NUP160: variants seen among roughly 807,000 people sequenced by gnomAD.
NUP160 encodes nucleoporin 160.
In NUP160, 94 loss-of-function variants were observed where a neutral mutation model predicts 196.9. That is an observed-to-expected ratio of 0.48 (90% CI 0.40 to 0.57). The LOEUF (loss-of-function observed/expected upper bound fraction) is 0.57. NUP160 is among the 20% of genes least tolerant of loss of function. The pLI, the probability that NUP160 is intolerant of heterozygous loss-of-function variation, is 0.00. For synonymous variants in NUP160, 605 were observed against 619.7 expected (o/e 0.98, Z 0.35); for missense variants, 1,638 against 1,748.3 (o/e 0.94, Z 1.13).
At chr11:47,825,340 T>A (rs1565204027) in intron 7 of NUP160, among the ~76,000 whole-genome samples, 1 of 151,826 alleles carries the variant, frequency 6.6e-6, no homozygotes, top group Non-Finnish European at 1.5e-5. Flanking sequence ...TGAAGTGCAG[T>A]GGTGTGATCT....
At chr11:47,827,056 C>T in intron 7 of NUP160, 1 of 455,902 alleles carries the variant, frequency 2.2e-6, no homozygotes, top group Non-Finnish European at 4.4e-6. Flanking sequence ...CTCCTCAACA[C>T]AATATAAAGG....
chr11:47,803,500 T>C, exon 22 of NUP160: 1 of 1,612,014 alleles, frequency 6.2e-7, no homozygotes, highest in East Asian at 2.2e-5. Context: ...GAACCAACAT[T>C]GACTTGACAC....
chr11:47,818,211 T>C (rs897291921), intron 10 of NUP160, 87 bp from the exon 11 acceptor site: 67 of 817,028 alleles, frequency 8.2e-5, no homozygotes, highest in Non-Finnish European at 1.3e-4. Flanking sequence ...GTTTCTACTA[T>C]ATGAACATTG....
At position 47,806,134 on chromosome 11, in the gene NUP160, C is replaced by T; in HGVS notation, c.2606+19G>A. The T allele has an allele frequency of 1.2e-6, 2 of 1,612,200 alleles. No homozygotes were observed. The highest frequency in any genetic ancestry group is 2.2e-5 in the East Asian group (1 of 44,846). On this transcript the variant is annotated intron_variant, in intron 20 of 35. Coordinates refer to ENST00000378460, the Ensembl canonical transcript of NUP160. ...CGGCCAGAAGAGAGCTTTTCACTGG[C>T]TTCTAAATAAAAGGATACAAAAGCT...
chr11:47,828,044 T>G (rs1852005644), intron 7 of NUP160, among the ~76,000 whole-genome samples: 1 of 152,162 alleles, frequency 6.6e-6, no homozygotes, highest in South Asian at 2.1e-4. Flanking sequence ...TAATTTTTGC[T>G]ATTTTGTAGA....
intron 29 of NUP160, among the ~76,000 whole-genome samples, chr11:47,790,484 C>T (rs900226796): frequency 6.6e-6 from 1 of 152,140 alleles, no homozygotes; most frequent in African/African-American, 2.4e-5. Flanking sequence ...TGGTCTTGAA[C>T]TCCTGACCTG....
At chr11:47,811,963 C>G in intron 17 of NUP160, 101 bp downstream of exon 17, 1 of 1,037,744 alleles carries the variant, frequency 9.6e-7, no homozygotes. Context: ...TGAACCAAGA[C>G]AAAAGTATCT....
chr11:47,782,969 T>C, intron 34 of NUP160, 104 bp downstream of exon 34: 2 of 1,022,284 alleles, frequency 2.0e-6, no homozygotes, highest in Non-Finnish European at 2.9e-6. Flanking sequence ...ATCAGTATTT[T>C]AAAGTATGGT....
At chr11:47,792,134 A>G in intron 28 of NUP160, 144 bp from the exon 29 acceptor site, 2 of 587,510 alleles carry the variant, frequency 3.4e-6, no homozygotes, top group South Asian at 4.9e-5. Context: ...TTACAGAGGT[A>G]CTGTAACTAT....
intron 29 of NUP160, among the ~76,000 whole-genome samples, chr11:47,789,020 G>A (rs1294004189): frequency 6.6e-6 from 1 of 152,018 alleles, no homozygotes; most frequent in Non-Finnish European, 1.5e-5. Flanking sequence ...GGGATTACAG[G>A]CGTGCACCAC....
chr11:47,819,538 G>C (rs1851814962), intron 9 of NUP160, 80 bp from the exon 10 acceptor site: 1 of 892,658 alleles, frequency 1.1e-6, no homozygotes, highest in Admixed American at 2.0e-5. Context: ...TATCTGGGCA[G>C]GGAGGACCCC....
intron 7 of NUP160, among the ~76,000 whole-genome samples, chr11:47,835,249 T>C (rs1852150659): frequency 6.6e-6 from 1 of 152,176 alleles, no homozygotes; most frequent in Non-Finnish European, 1.5e-5. Flanking sequence ...TGGCTGTTTA[T>C]TAAATGATTA....
chr11:47,806,444 T>C, intron 19 of NUP160, 132 bp from the exon 20 acceptor site: 1 of 646,850 alleles, frequency 1.5e-6, no homozygotes, highest in Non-Finnish European at 2.6e-6. Context: ...ATCACGGGTA[T>C]ATATCCAGTG....
At chr11:47,789,551 C>T (rs1599307237) in intron 29 of NUP160, among the ~76,000 whole-genome samples, 1 of 152,222 alleles carries the variant, frequency 6.6e-6, no homozygotes, top group East Asian at 1.9e-4. Context: ...TAAGCATTTT[C>T]ATTTCTCTTA....
chr11:47,833,027 T>C (rs1395340048), intron 7 of NUP160, among the ~76,000 whole-genome samples: 9 of 152,172 alleles, frequency 5.9e-5, no homozygotes, highest in African/African-American at 2.2e-4. Flanking sequence ...AGGTATGGGG[T>C]TTCTTTTTGA....
rs972592406 is a variant in NUP160 at position 47,824,023 on chromosome 11, A to G, written c.1102-1859T>C. Among the ~76,000 whole-genome samples, 106 of 110,678 alleles carry G rather than the reference A, an allele frequency of 9.6e-4. 1 individual carries two copies. Among genetic ancestry groups the G allele is most frequent in the Non-Finnish European group, 1.4e-3 (76 of 52,828 alleles). 72.6% of individuals were successfully genotyped at this position (110,678 alleles called of 152,430 possible). On this transcript the variant is annotated intron_variant, in intron 7 of 35. Coordinates refer to ENST00000378460, the Ensembl canonical transcript of NUP160. The stretch of plus-strand genomic sequence containing the variant: ...AATTCTTTTGCATATATATATATAT[A>G]TATATATATATATATATATATATAT...
intron 23 of NUP160, 113 bp downstream of exon 23, chr11:47,801,698 G>A: frequency 9.8e-7 from 1 of 1,021,018 alleles, no homozygotes; most frequent in Non-Finnish European, 1.4e-6. Context: ...AAATTTGGAA[G>A]TTCAGGGAGC....
chr11:47,847,601 A>T (rs140350615), intron 2 of NUP160, among the ~76,000 whole-genome samples: 2 of 116,864 alleles, frequency 1.7e-5, no homozygotes, highest in African/African-American at 3.4e-5. Context: ...CCCCTAAGCT[A>T]CATTTCCTCT....
chr11:47,808,345 A>G, intron 18 of NUP160, 51 bp downstream of exon 18: 1 of 1,541,370 alleles, frequency 6.5e-7, no homozygotes, highest in Non-Finnish European at 8.9e-7. Flanking sequence ...AAGGGGAAAA[A>G]TAATTAAACT....
Sources: allele counts gnomAD v4.1 joint callset (sites outside exome capture counted in the v4.1 genomes callset), GRCh38; gene constraint gnomAD v4.1.1; transcripts MANE v1.5; gene names NCBI Gene and HGNC (gene_info 2026-07-23, HGNC 2026-07-21).